SERPINA12: variants seen among roughly 807,000 people sequenced by gnomAD.
SERPINA12 encodes serpin family A member 12.
SERPINA12 carries 21 observed loss-of-function variants against 25.9 expected under a neutral mutation model. The ratio of observed to expected loss-of-function variants is 0.81; its 90% CI spans 0.58 to 1.17. SERPINA12 has a LOEUF of 1.17. Among genes scored for constraint, SERPINA12 ranks in the 50% most tolerant of loss-of-function variants. The pLI is 0.00. For synonymous variants in SERPINA12, 220 were observed against 196.0 expected, an observed-to-expected ratio of 1.12 and a Z score of -1.02; for missense variants, 562 against 508.3, an observed-to-expected ratio of 1.11 and a Z score of -1.02.
At chr14:94,495,303 C>G (rs1037186664) in intron 3 of SERPINA12, among the ~76,000 whole-genome samples, 47 of 151,838 alleles carry the variant, frequency 3.1e-4, no homozygotes, top group Non-Finnish European at 5.6e-4. Flanking sequence ...CTCCTGACCT[C>G]GTGATCCGCC....
At chr14:94,488,374 C>T (rs1045625172) in intron 4 of SERPINA12, among the ~76,000 whole-genome samples, 4 of 151,892 alleles carry the variant, frequency 2.6e-5, no homozygotes, top group African/African-American at 9.7e-5. Context: ...ATCCCCACCA[C>T]CCACTACTCC....
At chr14:94,511,606 C>T (rs1038131277), upstream of SERPINA12, 1 of 985,310 alleles carries the variant, frequency 1.0e-6, no homozygotes, top group South Asian at 4.7e-5. Context: ...TTCAGTTTTC[C>T]ATCTCTGAGC....
upstream of SERPINA12, among the ~76,000 whole-genome samples, chr14:94,513,657 C>G (rs17090987): frequency 0.075 from 11,483 of 152,192 alleles, 494 homozygotes; most frequent in African/African-American, 0.08. Flanking sequence ...TCTGTGACTT[C>G]GGAATTTTGC....
rs778255856 is a variant in SERPINA12 at position 94,489,615 on chromosome 14, C to G, written c.1053+5G>C. ...GGGAGTGGAGTCCAGGCTAGGCAGG[C>G]TTACCTCGCCCACTTTCAGGCTGCG... is the stretch of plus-strand genomic sequence containing the variant. On this transcript the variant is annotated splice_donor_5th_base_variant and intron_variant, in intron 4 of 4. Coordinates refer to ENST00000677451, the MANE Select transcript of SERPINA12 (RefSeq NM_001382267.1). The G allele has an allele frequency of 1.2e-6, 2 of 1,613,556 alleles. No homozygotes were observed. The highest frequency in any genetic ancestry group is 1.7e-6 in the Non-Finnish European group (2 of 1,179,750).
chr14:94,492,167 G>A (rs959025393), intron 3 of SERPINA12, among the ~76,000 whole-genome samples: 2 of 152,192 alleles, frequency 1.3e-5, no homozygotes, highest in African/African-American at 4.8e-5. Context: ...ACTGCACTCT[G>A]CAACACAGAC....
At chr14:94,508,918 T>G (rs180798590) in intron 1 of SERPINA12, among the ~76,000 whole-genome samples, 1 of 152,316 alleles carries the variant, frequency 6.6e-6, no homozygotes, top group Non-Finnish European at 1.5e-5. Flanking sequence ...ATGCACATAT[T>G]AGTAGATACG....
chr14:94,514,536 G>A (rs1327014723), intron 2 of SERPINA12, among the ~76,000 whole-genome samples: 2 of 152,244 alleles, frequency 1.3e-5, no homozygotes, highest in African/African-American at 4.8e-5. Context: ...GCTGGGGTCG[G>A]GTGGGGACCT....
At position 94,498,921 on chromosome 14, in the gene SERPINA12, G is replaced by T. The variant is rs768750890; in HGVS notation, c.-33-491C>A. On this transcript the variant is annotated intron_variant, in intron 1 of 4. Transcript: ENST00000677451. ...TGAAGTAGCCCTGGAGCTGAATGTG[G>T]CCATGGTTTCCACATGTAGAAGGAG... is the stretch of plus-strand genomic sequence containing the variant. 8.8e-4 allele frequency among the ~76,000 whole-genome samples: 134 copies of T among 152,166 alleles called. 1 individual carries two copies. The highest frequency in any genetic ancestry group is 1.7e-3 in the Non-Finnish European group (119 of 68,034).
In SERPINA12 at chr14:94,496,504, G is replaced by A; in HGVS notation, c.774C>T (p.Thr258=). The part of the protein sequence containing the change: ...QVGYDDKLSC[T]ILEIPYQKNI... ...TTTTCTGGTAGGGTATTTCCAGGAT[G>A]GTGCAAGAGAGCTTATCGTCATAGC... Residue 258 remains threonine (T), a synonymous_variant, in exon 3 of 5, where the codon ACC becomes ACT. Coordinates refer to ENST00000677451, the MANE Select transcript of SERPINA12 (RefSeq NM_001382267.1). 6.2e-7 allele frequency: 1 copy of A among 1,614,036 alleles called. No homozygotes were observed. Among genetic ancestry groups the A allele is most frequent in the Non-Finnish European group, 8.5e-7 (1 of 1,180,002 alleles).
intron 3 of SERPINA12, among the ~76,000 whole-genome samples, chr14:94,494,980 C>T (rs377523627): frequency 6.6e-5 from 10 of 152,012 alleles, no homozygotes; most frequent in East Asian, 5.8e-4. Context: ...GGGATGGCAA[C>T]GCTCTTGGGA....
upstream of SERPINA12, among the ~76,000 whole-genome samples, chr14:94,512,612 G>A (rs530387119): frequency 5.9e-5 from 9 of 152,166 alleles, no homozygotes; most frequent in Non-Finnish European, 8.8e-5. Flanking sequence ...CAAGAGTGAG[G>A]GTGTTGTGTG....
intron 3 of SERPINA12, among the ~76,000 whole-genome samples, chr14:94,490,754 T>G (rs796925388): frequency 4.6e-5 from 7 of 152,210 alleles, no homozygotes; most frequent in African/African-American, 1.4e-4. Context: ...TGGAAGCAAC[T>G]CTTTCCAGAG....
chr14:94,500,974 C>G, intron 1 of SERPINA12: 11 of 984,414 alleles, frequency 1.1e-5, no homozygotes, highest in Non-Finnish European at 1.3e-5. Flanking sequence ...AAGCACTTCC[C>G]TCTCTGAACC....
chr14:94,505,992 G>C (rs1367046477), intron 1 of SERPINA12, among the ~76,000 whole-genome samples: 1 of 152,212 alleles, frequency 6.6e-6, no homozygotes. Flanking sequence ...ATATAGGCAT[G>C]GGAGGGAGCA....
At position 94,489,959 on chromosome 14, in the gene SERPINA12, G is replaced by A. The variant is rs116453188; in HGVS notation, c.906-192C>T. ...CAAAACACCATAAGCTCTCTGAACC[G>A]TGTCCCTGCCTCCCAGCACACCTGC... On this transcript the variant is annotated intron_variant, in intron 3 of 4. Coordinates refer to ENST00000677451, the MANE Select transcript of SERPINA12 (RefSeq NM_001382267.1). 3.1e-3 allele frequency among the ~76,000 whole-genome samples: 465 copies of A among 152,208 alleles called. 3 individuals carry two copies. Among genetic ancestry groups the A allele is most frequent in the African/African-American group, 8.9e-3 (368 of 41,520 alleles).
upstream of SERPINA12, chr14:94,511,287 C>T (rs76573077): frequency 1.5e-3 from 651 of 429,194 alleles, 3 homozygotes; most frequent in Non-Finnish European, 1.8e-3. Context: ...TTAATTCTTA[C>T]AAGTCTGTGA....
chr14:94,507,431 G>A (rs1222715366), intron 1 of SERPINA12, among the ~76,000 whole-genome samples: 4 of 152,322 alleles, frequency 2.6e-5, no homozygotes, highest in African/African-American at 7.2e-5. Context: ...GTCACAAGCT[G>A]GGAGTGGTAC....
rs1444713709 is a variant in SERPINA12 at position 94,498,232 on chromosome 14, C to A, written c.166G>T (p.Gly56Cys). The A allele has an allele frequency of 2.5e-6, 4 of 1,614,080 alleles. No homozygotes were observed. The highest frequency in any genetic ancestry group is 3.4e-6 in the Non-Finnish European group (4 of 1,180,046). Residue 56 changes from glycine to cysteine, a missense_variant, in exon 2 of 5, where the codon GGC (glycine) becomes TGC (cysteine). Gly to Cys is a radical substitution (Grantham distance 159). Transcript: ENST00000677451. ...GCCAGCTTCTTGAGCAGCTTAAAGC[C>A]TAAGTCCATGTTCTGCCTTGCAAGC... ...KELARQNMDL[G>C]FKLLKKLAFY...
chr14:94,489,151 G>A lies in SERPINA12; in HGVS notation c.1053+469C>T, dbSNP rs1023571860. Among the ~76,000 whole-genome samples the A allele has an allele frequency of 4.3e-5, 6 of 141,176 alleles. No individual in the cohort carries two copies. In the East Asian group the frequency reaches 9.9e-4, roughly 23 times the overall value. The allele number at this position is 141,176 out of a possible 152,430, so 92.6% of individuals were successfully genotyped here. ...AGGAAGGAAGAGAGAGAGAGAGAGA[G>A]AAAGAAAGAAAGAAAGAAAAAAAGA... On this transcript the variant is annotated intron_variant, in intron 4 of 4. Coordinates refer to ENST00000677451, the MANE Select transcript of SERPINA12 (RefSeq NM_001382267.1).
Sources: allele counts gnomAD v4.1 joint callset (sites outside exome capture counted in the v4.1 genomes callset), GRCh38; gene constraint gnomAD v4.1.1; transcripts MANE v1.5; gene names NCBI Gene and HGNC (gene_info 2026-07-23, HGNC 2026-07-21).